Variants in TCF4 observed in about 807,000 individuals in gnomAD.
TCF4 encodes the protein transcription factor 4.
A neutral mutation model predicts 82.1 loss-of-function variants in TCF4; 3 were observed. That is an observed-to-expected ratio of 0.04 (90% CI 0.02 to 0.09). TCF4 has a LOEUF of 0.09. TCF4 is among the 10% of genes least tolerant of loss of function. TCF4 has a pLI of 1.00. For synonymous variants in TCF4, 276 were observed against 309.6 expected (o/e 0.89, Z 1.14); for missense variants, 518 against 852.7 (o/e 0.61, Z 4.89).
At chr18:55,305,539 C>G (rs2069994745) in intron 8 of TCF4, among the ~76,000 whole-genome samples, 1 of 152,186 alleles carries the variant, frequency 6.6e-6, no homozygotes, top group Non-Finnish European at 1.5e-5. Flanking sequence ...ATGCACAGCA[C>G]TAACTGAATG....
intron 12 of TCF4, chr18:55,261,251 G>A: frequency 3.2e-6 from 2 of 623,818 alleles, no homozygotes; most frequent in South Asian, 3.7e-5. Context: ...ATTGAGTGCA[G>A]CTTAGTACCA....
chr18:55,505,408 G>A (rs2096743659), intron 3 of TCF4, among the ~76,000 whole-genome samples: 1 of 152,056 alleles, frequency 6.6e-6, no homozygotes. Flanking sequence ...TAACACTTAT[G>A]CTGGGTACTC....
At chr18:55,349,617 G>A in intron 8 of TCF4, among the ~76,000 whole-genome samples, 1 of 152,168 alleles carries the variant, frequency 6.6e-6, no homozygotes, top group South Asian at 2.1e-4. Context: ...CATTTTATAT[G>A]AGGAGAAAAT....
At chr18:55,429,054 A>G (rs1312424723) in intron 5 of TCF4, among the ~76,000 whole-genome samples, 3 of 152,250 alleles carry the variant, frequency 2.0e-5, no homozygotes, top group Non-Finnish European at 4.4e-5. Flanking sequence ...ATATTTTGTC[A>G]ATGAAAAGTT....
At chr18:55,239,068 G>C (rs1388778965) in intron 15 of TCF4, among the ~76,000 whole-genome samples, 1 of 152,120 alleles carries the variant, frequency 6.6e-6, no homozygotes, top group Non-Finnish European at 1.5e-5. Flanking sequence ...TTGTATCTTA[G>C]GTCAAATTAT....
At chr18:55,233,337 T>C (rs572413836) in intron 16 of TCF4, among the ~76,000 whole-genome samples, 2 of 152,334 alleles carry the variant, frequency 1.3e-5, no homozygotes, top group South Asian at 4.1e-4. Context: ...ATCTGTGTAT[T>C]CTAGAACCTT....
chr18:55,462,200 C>T (rs1192046984), intron 4 of TCF4, among the ~76,000 whole-genome samples: 1 of 152,172 alleles, frequency 6.6e-6, no homozygotes, highest in African/African-American at 2.4e-5. Context: ...TTGCCTGATA[C>T]TGTAATCTAA....
intron 3 of TCF4, among the ~76,000 whole-genome samples, chr18:55,577,278 A>G (rs896606924): frequency 1.5e-4 from 22 of 147,854 alleles, no homozygotes; most frequent in Non-Finnish European, 4.5e-5. Flanking sequence ...GTGTATATAT[A>G]CATATATATA....
intron 5 of TCF4, among the ~76,000 whole-genome samples, chr18:55,456,046 T>G (rs2095745907): frequency 6.6e-6 from 1 of 152,198 alleles, no homozygotes; most frequent in Non-Finnish European, 1.5e-5. Context: ...ACACTTCACC[T>G]TTATGCTGGG....
intron 6 of TCF4, among the ~76,000 whole-genome samples, chr18:55,362,297 C>G (rs552397619): frequency 2.1e-5 from 3 of 142,342 alleles, no homozygotes; most frequent in African/African-American, 7.9e-5. Flanking sequence ...GCCTGGGCAA[C>G]AGAATGAGAC....
At chr18:55,326,940 T>C (rs1370733845) in intron 8 of TCF4, among the ~76,000 whole-genome samples, 3 of 152,130 alleles carry the variant, frequency 2.0e-5, no homozygotes, top group African/African-American at 7.2e-5. Context: ...AAATCCCTAA[T>C]AGGTATGAGT....
chr18:55,450,248 A>C (rs1416349890), intron 5 of TCF4, among the ~76,000 whole-genome samples: 1 of 152,166 alleles, frequency 6.6e-6, no homozygotes, highest in Non-Finnish European at 1.5e-5. Context: ...GAAAGCTTTA[A>C]ATGTTTTATC....
intron 5 of TCF4, among the ~76,000 whole-genome samples, chr18:55,457,244 A>C (rs1260620565): frequency 6.6e-6 from 1 of 152,188 alleles, no homozygotes; most frequent in Non-Finnish European, 1.5e-5. Context: ...ACAAGTATCA[A>C]CCACTAAAAC....
chr18:55,237,128 C>G (rs976990100), intron 15 of TCF4, among the ~76,000 whole-genome samples: 4 of 152,162 alleles, frequency 2.6e-5, no homozygotes, highest in African/African-American at 9.7e-5. Flanking sequence ...TACATAATAA[C>G]TGCAGACAGA....
intron 5 of TCF4, among the ~76,000 whole-genome samples, chr18:55,421,431 G>A (rs1033700959): frequency 6.6e-6 from 1 of 152,076 alleles, no homozygotes; most frequent in Non-Finnish European, 1.5e-5. Context: ...ATAAGGCCCC[G>A]CATATCAAAG....
At chr18:55,269,667 G>A (rs1167340528) in intron 11 of TCF4, 164 bp downstream of exon 11, 5 of 936,696 alleles carry the variant, frequency 5.3e-6, no homozygotes, top group Non-Finnish European at 8.1e-6. Context: ...TTATGCTCAA[G>A]CCAGTGATTT....
intron 5 of TCF4, among the ~76,000 whole-genome samples, chr18:55,407,081 C>T (rs376216277): frequency 4.0e-5 from 6 of 148,536 alleles, no homozygotes; most frequent in East Asian, 2.0e-4. Context: ...GGGGTTGGTG[C>T]GGGGGGCGGG....
intron 3 of TCF4, among the ~76,000 whole-genome samples, chr18:55,486,681 G>A (rs943932142): frequency 6.6e-6 from 1 of 152,170 alleles, no homozygotes; most frequent in Non-Finnish European, 1.5e-5. Flanking sequence ...GGTGTGGCCA[G>A]AGAACAGGTG....
intron 5 of TCF4, 99 bp from the exon 6 acceptor site, chr18:55,403,617 A>C (rs2146494871): frequency 1.2e-6 from 2 of 1,611,312 alleles, no homozygotes; most frequent in East Asian, 4.5e-5. Context: ...CGATGTTTAC[A>C]TACGTAAAGT....
Sources: allele counts gnomAD v4.1 joint callset (sites outside exome capture counted in the v4.1 genomes callset), GRCh38; gene constraint gnomAD v4.1.1; transcripts MANE v1.5; gene names NCBI Gene and HGNC (gene_info 2026-07-23, HGNC 2026-07-21).